The following ERBIN variants were observed in gnomAD, a reference collection of about 807,000 sequenced individuals.
ERBIN encodes the protein densin-180-like protein.
In ERBIN, 60 loss-of-function variants were observed where a neutral mutation model predicts 158.4. The observed-to-expected ratio is 0.38, with a 90% confidence interval of 0.31 to 0.47. ERBIN has a LOEUF of 0.47. ERBIN is among the 20% of genes least tolerant of loss of function. ERBIN has a pLI of 0.99. For missense variants in ERBIN, 1,610 were observed against 1,648.0 expected, an observed-to-expected ratio of 0.98 and a Z score of 0.40; for synonymous variants, 594 against 557.2, an observed-to-expected ratio of 1.07 and a Z score of -0.93.
At chr5:65,948,431 C>G (rs970887653) in intron 1 of ERBIN, among the ~76,000 whole-genome samples, 2 of 152,008 alleles carry the variant, frequency 1.3e-5, no homozygotes, top group African/African-American at 4.8e-5. Context: ...CCTGCTGCAG[C>G]ATCCCAAAGT....
chr5:66,028,871 C>T (rs912497537), intron 14 of ERBIN, among the ~76,000 whole-genome samples: 1 of 152,102 alleles, frequency 6.6e-6, no homozygotes, highest in African/African-American at 2.4e-5. Context: ...TTTTAGATTC[C>T]TCATATAAGT....
At position 66,023,331 on chromosome 5, in the gene ERBIN, G is replaced by T; in HGVS notation, c.639G>T (p.Trp213Cys). Residue 213 changes from tryptophan (W) to cysteine (C), a missense_variant, in exon 9 of 26, where the codon TGG (tryptophan) becomes TGT (cysteine). By Grantham distance (215) the Trp-to-Cys change is radical. This residue lies in a region of ERBIN where 596 missense variants were observed against 711.9 expected (regional missense o/e 0.84). Transcript: ENST00000284037. ...AACTAAGTGGATTGAAAGAGTTTTG[G>T]ATGGATGCTAATAGACTGACTTTTA... The part of the protein sequence containing the change: ...LEQLSGLKEF[W>C]MDANRLTFIP... 6.2e-7 allele frequency: 1 copy of T among 1,613,196 alleles called. No individual in the cohort carries two copies. Among genetic ancestry groups the T allele is most frequent in the Non-Finnish European group, 8.5e-7 (1 of 1,179,456 alleles).
chr5:66,016,532 A>G (rs183850380), intron 7 of ERBIN, among the ~76,000 whole-genome samples: 11 of 151,666 alleles, frequency 7.3e-5, no homozygotes, highest in Admixed American at 1.3e-4. Flanking sequence ...AAATACATTT[A>G]TATTCTTTCC....
chr5:66,075,226 A>C lies in ERBIN; in HGVS notation c.3959A>C (p.Gln1320Pro). 1 of 1,613,232 alleles carries C rather than the reference A, an allele frequency of 6.2e-7. No homozygotes were observed. The highest frequency in any genetic ancestry group is 1.7e-4 in the Middle Eastern group (1 of 6,036). ...AGACAAGGCCATGAACTGGCAAAACAAGAGGTAAGAATAATCAAGACTATT... is the reference window on the plus strand; with the variant it reads ...AGACAAGGCCATGAACTGGCAAAACCAGAGGTAAGAATAATCAAGACTATT... Reference protein sequence around the residue: ...SPRQGHELAKQEIRVRVEKDP... With the variant: ...SPRQGHELAKPEIRVRVEKDP... Residue 1320 changes from glutamine to proline, a missense_variant, in exon 23 of 26, where the codon CAA (glutamine) becomes CCA (proline). Coordinates refer to ENST00000284037, the MANE Select transcript of ERBIN (RefSeq NM_001253697.2).
At chr5:66,024,048 T>A (rs1755985562) in intron 9 of ERBIN, among the ~76,000 whole-genome samples, 1 of 152,322 alleles carries the variant, frequency 6.6e-6, no homozygotes, top group Middle Eastern at 3.4e-3. Flanking sequence ...CCATATATGC[T>A]ATTTCCTTAG....
rs1285991706 is a variant in ERBIN, at chr5:66,079,675, G to C, written c.*1145G>C. ...TGCTGTGGAGAGTTATAGAGCAAAGGGATGGGTCCTTGAGGCCTGCCAGTG... is the reference window on the plus strand; with the variant it reads ...TGCTGTGGAGAGTTATAGAGCAAAGCGATGGGTCCTTGAGGCCTGCCAGTG... On this transcript the variant is annotated 3_prime_UTR_variant, in exon 26 of 26. Transcript: ENST00000284037. 6.6e-6 allele frequency: 1 copy of C among 152,504 alleles called. No homozygotes were observed. The highest frequency in any genetic ancestry group is 2.4e-5 in the African/African-American group (1 of 41,404). The allele number at this position is 152,504 out of a possible 1,614,324, so 9.4% of individuals were successfully genotyped here. A position where few individuals can be genotyped will look rare whatever the true frequency, so the allele number is the denominator to read the frequency against.
rs190432110 is a variant in ERBIN, at chr5:65,950,040, C to G, written c.-58+23234C>G. 2.7e-4 allele frequency among the ~76,000 whole-genome samples: 41 copies of G among 152,256 alleles called. No homozygotes were observed. In the East Asian group the frequency reaches 7.7e-3, roughly 29 times the overall value. ...CGCTCCCCTGAGATGGAGTTTCGCT[C>G]TGTCGCCCAGGCTGGAGTGCAGTGG... On this transcript the variant is annotated intron_variant, in intron 1 of 25. Transcript: ENST00000284037.
At chr5:65,940,886 CG>C (rs1744914288) in intron 1 of ERBIN, among the ~76,000 whole-genome samples, 2 of 151,916 alleles carry the variant, frequency 1.3e-5, no homozygotes, top group African/African-American at 4.8e-5. Flanking sequence ...GGGGGAAAGG[CG>C]GGGAAAGGAT....
At chr5:65,960,790 TG>T (rs1414300082) in intron 1 of ERBIN, among the ~76,000 whole-genome samples, 2 of 152,166 alleles carry the variant, frequency 1.3e-5, no homozygotes, top group Non-Finnish European at 2.9e-5. Context: ...GTTAAACTAG[TG>T]TGTAAAAAAA....
chr5:66,044,024 A>G, intron 16 of ERBIN, 113 bp from the exon 17 acceptor site: 1 of 659,554 alleles, frequency 1.5e-6, no homozygotes, highest in Non-Finnish European at 2.3e-6. Flanking sequence ...CTTCACAGTT[A>G]TCCCTATGAG....
At chr5:65,961,710 CT>C (rs903784830) in intron 1 of ERBIN, among the ~76,000 whole-genome samples, 16 of 151,956 alleles carry the variant, frequency 1.1e-4, no homozygotes, top group East Asian at 7.7e-4. Context: ...CTATTGATGA[CT>C]TTTTTTTGTC....
intron 1 of ERBIN, among the ~76,000 whole-genome samples, chr5:65,927,705 G>A (rs759384001): frequency 1.3e-5 from 2 of 152,148 alleles, no homozygotes; most frequent in Non-Finnish European, 2.9e-5. Context: ...TTACATTTTT[G>A]TGTTGTCCCA....
intron 1 of ERBIN, among the ~76,000 whole-genome samples, chr5:65,976,594 G>A (rs1033135718): frequency 6.6e-6 from 1 of 150,542 alleles, no homozygotes; most frequent in African/African-American, 2.5e-5. Flanking sequence ...CAGGACAATA[G>A]TGAAGGGAAG....
At chr5:65,960,491 C>G (rs559141717) in intron 1 of ERBIN, among the ~76,000 whole-genome samples, 1 of 152,118 alleles carries the variant, frequency 6.6e-6, no homozygotes, top group East Asian at 1.9e-4. Context: ...TGAAACAGAG[C>G]GAAAATACTG....
chr5:65,998,471 T>A (rs1447892212), intron 4 of ERBIN, among the ~76,000 whole-genome samples: 1 of 151,922 alleles, frequency 6.6e-6, no homozygotes, highest in Non-Finnish European at 1.5e-5. Flanking sequence ...AAGATAGTAC[T>A]GTATTTTATT....
At chr5:65,930,960 A>G (rs1039329821) in intron 1 of ERBIN, among the ~76,000 whole-genome samples, 2 of 152,232 alleles carry the variant, frequency 1.3e-5, no homozygotes, top group African/African-American at 4.8e-5. Context: ...ACACCATTGA[A>G]TGAAGGTCTT....
At chr5:66,003,969 CTGTT>C (rs1367852583) in intron 4 of ERBIN, among the ~76,000 whole-genome samples, 1 of 102,224 alleles carries the variant, frequency 9.8e-6, no homozygotes, top group Non-Finnish European at 1.9e-5. Flanking sequence ...GTGTCTTGCT[CTGTT>C]TGTTTCCCAG....
chr5:65,947,966 C>T (rs1420796881), intron 1 of ERBIN, among the ~76,000 whole-genome samples: 1 of 148,732 alleles, frequency 6.7e-6, no homozygotes, highest in Non-Finnish European at 1.5e-5. Context: ...GTGATAATGC[C>T]ACCATTCCAC....
At chr5:66,056,044 T>A (rs1759544383) in intron 21 of ERBIN, among the ~76,000 whole-genome samples, 1 of 152,182 alleles carries the variant, frequency 6.6e-6, no homozygotes, top group Non-Finnish European at 1.5e-5. Flanking sequence ...TCTAAGGCAC[T>A]TGGAAATTTC....
Sources: allele counts gnomAD v4.1 joint callset (sites outside exome capture counted in the v4.1 genomes callset), GRCh38; gene constraint gnomAD v4.1.1; regional missense constraint gnomAD v4.1.1; transcripts MANE v1.5; gene names NCBI Gene and HGNC (gene_info 2026-07-23, HGNC 2026-07-21).